Variants in CPED1 observed in about 807,000 individuals in gnomAD.
CPED1 encodes cadherin-like and PC-esterase domain-containing protein 1.
CPED1 carries 114 observed loss-of-function variants against 128.2 expected under a neutral mutation model. That is an observed-to-expected ratio of 0.89 (90% CI 0.76 to 1.04). The LOEUF (loss-of-function observed/expected upper bound fraction) is 1.04. CPED1 is among the 50% of genes least tolerant of loss of function. The probability of loss-of-function intolerance (pLI) is 0.00; values close to 1 mark genes in which losing one functional copy is unlikely to be tolerated. For missense variants in CPED1, 1,211 were observed against 1,207.1 expected (o/e 1.00, Z -0.05); for synonymous variants, 462 against 426.7 (o/e 1.08, Z -1.02).
Position 121,194,030 on chromosome 7 carries a change from A to C in CPED1, c.2056-42684A>C, listed in dbSNP as rs1270186445. ...TCTCTCTCTCTCTCTCTCTATATAT[A>C]TATATATATATATATATATTTTTTT... On this transcript the variant is annotated intron_variant, in intron 16 of 22. Coordinates refer to ENST00000310396, the MANE Select transcript of CPED1 (RefSeq NM_024913.5). Among the ~76,000 whole-genome samples, 682 of 97,986 alleles carry C rather than the reference A, an allele frequency of 7.0e-3. 8 individuals carry two copies. The highest frequency in any genetic ancestry group is 0.019 in the African/African-American group (435 of 23,382). The allele number at this position is 97,986 out of a possible 152,430, so 64.3% of individuals were successfully genotyped here. A position where few individuals can be genotyped will look rare whatever the true frequency, so the allele number is the denominator to read the frequency against.
chr7:121,183,836 A>G (rs950956360), intron 16 of CPED1, among the ~76,000 whole-genome samples: 1 of 152,184 alleles, frequency 6.6e-6, no homozygotes, highest in African/African-American at 2.4e-5. Flanking sequence ...GATTCATACA[A>G]TTCACTTGGG....
chr7:121,111,459 C>G (rs758258109), intron 7 of CPED1, among the ~76,000 whole-genome samples: 1 of 152,048 alleles, frequency 6.6e-6, no homozygotes, highest in African/African-American at 2.4e-5. Flanking sequence ...TTCTCAGCCA[C>G]CATAAAATTG....
intron 22 of CPED1, among the ~76,000 whole-genome samples, chr7:121,273,605 A>T (rs1270665136): frequency 1.3e-5 from 2 of 152,098 alleles, no homozygotes; most frequent in East Asian, 3.9e-4. Flanking sequence ...GTTGCTCTGT[A>T]TGATTTATGG....
chr7:121,110,871 G>A (rs919600659), intron 7 of CPED1, among the ~76,000 whole-genome samples: 1 of 152,164 alleles, frequency 6.6e-6, no homozygotes, highest in African/African-American at 2.4e-5. Context: ...GTCCAGATGA[G>A]GAGCATGGTG....
At chr7:121,053,865 A>G (rs1030755629) in intron 4 of CPED1, among the ~76,000 whole-genome samples, 4 of 152,180 alleles carry the variant, frequency 2.6e-5, no homozygotes, top group Non-Finnish European at 2.9e-5. Flanking sequence ...TACTATTGTT[A>G]TTAAATTTTT....
chr7:121,206,183 G>A (rs1280901131), intron 16 of CPED1, among the ~76,000 whole-genome samples: 1 of 152,012 alleles, frequency 6.6e-6, no homozygotes, highest in African/African-American at 2.4e-5. Context: ...GGGGCACAGA[G>A]CCTTCCTTGA....
intron 16 of CPED1, among the ~76,000 whole-genome samples, chr7:121,227,055 G>A (rs546821590): frequency 6.6e-6 from 1 of 152,006 alleles, no homozygotes; most frequent in African/African-American, 2.4e-5. Flanking sequence ...TAGATCATAT[G>A]GGAATTATTT....
At chr7:121,105,159 AAG>A (rs1794944197) in intron 7 of CPED1, among the ~76,000 whole-genome samples, 3 of 152,126 alleles carry the variant, frequency 2.0e-5, no homozygotes, top group South Asian at 2.1e-4. Flanking sequence ...AACTGTGGCA[AAG>A]AGAGGAATGG....
At chr7:121,143,647 G>T (rs553194601) in intron 16 of CPED1, among the ~76,000 whole-genome samples, 15 of 152,034 alleles carry the variant, frequency 9.9e-5, no homozygotes, top group Non-Finnish European at 1.9e-4. Flanking sequence ...GTGTATATTT[G>T]TGTGTATAAT....
intron 16 of CPED1, among the ~76,000 whole-genome samples, chr7:121,212,983 G>A (rs1395757211): frequency 2.0e-5 from 3 of 151,948 alleles, no homozygotes; most frequent in Non-Finnish European, 2.9e-5. Flanking sequence ...GGGTGCAGGA[G>A]GGGATGCATT....
intron 3 of CPED1, among the ~76,000 whole-genome samples, chr7:121,024,762 TTGAA>T (rs543305587): frequency 4.5e-4 from 68 of 152,312 alleles, no homozygotes; most frequent in African/African-American, 1.5e-3. Context: ...AAACTGTGCT[TTGAA>T]TGGCAGATTT....
At chr7:121,109,332 G>A (rs886194203) in intron 7 of CPED1, among the ~76,000 whole-genome samples, 2 of 152,102 alleles carry the variant, frequency 1.3e-5, no homozygotes, top group Non-Finnish European at 2.9e-5. Context: ...CTGACACAGA[G>A]CATTCCTATA....
At chr7:121,115,939 T>C (rs1795226178) in intron 7 of CPED1, among the ~76,000 whole-genome samples, 1 of 152,234 alleles carries the variant, frequency 6.6e-6, no homozygotes, top group African/African-American at 2.4e-5. Context: ...TGCTCCTTTA[T>C]ATCCCACTGA....
chr7:121,266,455 G>A lies in CPED1; in HGVS notation c.2531+8G>A, dbSNP rs372217856. The A allele has an allele frequency of 3.6e-5, 57 of 1,604,574 alleles. No homozygotes were observed. The highest frequency in any genetic ancestry group is 4.6e-5 in the Non-Finnish European group (54 of 1,171,960). ...TGAACACCTCTTGCAAAGGTACAAT[G>A]AAACTATAATGAAAGACACAAAACC... On this transcript the variant is annotated splice_region_variant and intron_variant, in intron 19 of 22. Transcript: ENST00000310396.
At chr7:121,090,419 CTGATA>C (rs1482554438) in intron 5 of CPED1, among the ~76,000 whole-genome samples, 5 of 152,094 alleles carry the variant, frequency 3.3e-5, no homozygotes, top group Non-Finnish European at 7.4e-5. Flanking sequence ...TTGTTGTACA[CTGATA>C]TGATAACATC....
intron 16 of CPED1, among the ~76,000 whole-genome samples, chr7:121,148,306 G>A (rs1796072995): frequency 6.6e-6 from 1 of 152,206 alleles, no homozygotes. Flanking sequence ...TAGCAGCAAA[G>A]CAGCAGCCGA....
At position 121,141,685 on chromosome 7, in the gene CPED1, T is replaced by C. The variant is rs116664506; in HGVS notation, c.1887-288T>C. ...ATTTAAAATGGGGACAATCCTATTG[T>C]ATTAAATGAGATAATGTGTGACCCT... On this transcript the variant is annotated intron_variant, in intron 15 of 22. Coordinates refer to ENST00000310396, the MANE Select transcript of CPED1 (RefSeq NM_024913.5). Among the ~76,000 whole-genome samples the C allele has an allele frequency of 9.7e-3, 1,479 of 152,194 alleles. 30 individuals carry two copies. The highest frequency in any genetic ancestry group is 0.034 in the African/African-American group (1,399 of 41,542).
intron 8 of CPED1, among the ~76,000 whole-genome samples, chr7:121,125,427 G>C (rs187832168): frequency 6.6e-6 from 1 of 152,034 alleles, no homozygotes; most frequent in Non-Finnish European, 1.5e-5. Context: ...CCCTGCATGC[G>C]TTAGGTATTT....
intron 16 of CPED1, among the ~76,000 whole-genome samples, chr7:121,230,457 T>C (rs1798110046): frequency 6.6e-6 from 1 of 152,028 alleles, no homozygotes; most frequent in Admixed American, 6.6e-5. Flanking sequence ...ATAAGAGATA[T>C]TTTCTTCTTA....
Sources: gnomAD v4.1 joint callset for allele counts (sites outside exome capture counted in the v4.1 genomes callset) on GRCh38, gnomAD v4.1.1 for gene constraint, MANE v1.5 for transcripts, NCBI Gene and HGNC (gene_info 2026-07-23, HGNC 2026-07-21) for gene names.